Variants in ALG14 observed in about 807,000 individuals in gnomAD.
ALG14 encodes ALG14 UDP-N-acetylglucosaminyltransferase subunit, also known as UDP-N-acetylglucosamine transferase subunit ALG14.
In ALG14, 17 loss-of-function variants were observed where a neutral mutation model predicts 22.8. The ratio of observed to expected loss-of-function variants is 0.75; its 90% CI spans 0.51 to 1.12. The LOEUF is 1.12. Ranked by LOEUF, ALG14 falls within the 50% of genes most tolerant of loss-of-function variation. ALG14 has a pLI of 0.00. For missense variants in ALG14, 288 were observed against 271.8 expected, an observed-to-expected ratio of 1.06 and a Z score of -0.42; for synonymous variants, 89 against 103.7, an observed-to-expected ratio of 0.86 and a Z score of 0.86.
chr1:95,033,668 C>A (rs571253985), intron 2 of ALG14, among the ~76,000 whole-genome samples: 1 of 152,026 alleles, frequency 6.6e-6, no homozygotes, highest in South Asian at 2.1e-4. Flanking sequence ...TTGCCAGGGA[C>A]CGAAAGGAGA....
Position 95,072,802 on chromosome 1 carries a change from G to C in ALG14, c.97C>G (p.Pro33Ala), listed in dbSNP as rs1675614717. The C allele has an allele frequency of 1.2e-6, 2 of 1,614,140 alleles. No homozygotes were observed. Among genetic ancestry groups the C allele is most frequent in the Non-Finnish European group, 1.7e-6 (2 of 1,180,032 alleles). Residue 33 changes from proline (P) to alanine (A), a missense_variant, in exon 1 of 4, where the codon CCC becomes GCC. Pro to Ala is a conservative substitution (Grantham distance 27, BLOSUM62 -1). Transcript: ENST00000370205. ...ACCAAGATACTGAGAGACTCCCGGG[G>C]CGTAACGTCCATGGAACGAAGCACT... ...WVVLRSMDVTPRESLSILVVA... is the reference protein window; with the variant it reads ...WVVLRSMDVTARESLSILVVA...
intron 3 of ALG14, among the ~76,000 whole-genome samples, chr1:94,995,519 C>G (rs939735714): frequency 1.5e-4 from 23 of 152,176 alleles, no homozygotes; most frequent in African/African-American, 5.3e-4. Flanking sequence ...TTGAGACCAG[C>G]CTGGCCAACA....
chr1:95,030,709 C>G (rs545365934), intron 2 of ALG14, among the ~76,000 whole-genome samples: 1 of 152,300 alleles, frequency 6.6e-6, no homozygotes, highest in Non-Finnish European at 1.5e-5. Flanking sequence ...CATAAACATC[C>G]AAGCCTGGTA....
intron 2 of ALG14, among the ~76,000 whole-genome samples, chr1:95,033,412 T>C (rs1487332604): frequency 1.5e-5 from 2 of 131,454 alleles, no homozygotes; most frequent in African/African-American, 5.6e-5. Flanking sequence ...CATATATATA[T>C]ATATATATAC....
chr1:95,042,440 T>C (rs1288544171), intron 2 of ALG14, among the ~76,000 whole-genome samples: 1 of 152,212 alleles, frequency 6.6e-6, no homozygotes, highest in Non-Finnish European at 1.5e-5. Context: ...CTCTGTCACT[T>C]TGCTCTGTTC....
At chr1:94,997,020 A>C (rs576704009) in intron 3 of ALG14, among the ~76,000 whole-genome samples, 3 of 152,312 alleles carry the variant, frequency 2.0e-5, no homozygotes, top group African/African-American at 7.2e-5. Flanking sequence ...GAGCATCCAG[A>C]GAATATGGAC....
intron 3 of ALG14, 86 bp from the exon 4 acceptor site, chr1:94,983,392 AG>A: frequency 9.3e-7 from 1 of 1,079,870 alleles, no homozygotes; most frequent in Non-Finnish European, 1.4e-6. Context: ...CTGATTTCAG[AG>A]GGGATCTGCT....
At chr1:95,002,604 C>G (rs2100737468) in intron 3 of ALG14, among the ~76,000 whole-genome samples, 1 of 152,316 alleles carries the variant, frequency 6.6e-6, no homozygotes, top group East Asian at 1.9e-4. Context: ...TGAGAGCTGG[C>G]CTGTGTGCCA....
intron 3 of ALG14, among the ~76,000 whole-genome samples, chr1:95,024,716 A>G (rs1398630501): frequency 6.6e-6 from 1 of 152,220 alleles, no homozygotes; most frequent in Non-Finnish European, 1.5e-5. Context: ...AGTGCACAGT[A>G]TAAATCCTAT....
Position 95,052,266 on chromosome 1 carries a change from G to A in ALG14, c.288+12600C>T, listed in dbSNP as rs139247889. Among the ~76,000 whole-genome samples, 291 of 152,250 alleles carry A rather than the reference G, an allele frequency of 1.9e-3. 5 individuals carry two copies. The East Asian group carries it at 0.052, about 27-fold the overall frequency. On this transcript the variant is annotated intron_variant, in intron 2 of 3. Transcript: ENST00000370205. Reference sequence around the variant, plus strand: ...CAAAAAAACAAGTAGGATACAAGAAGCAAGGGTAAGAAAGAAAATGCCATA... The same window carrying A: ...CAAAAAAACAAGTAGGATACAAGAAACAAGGGTAAGAAAGAAAATGCCATA...
At chr1:95,049,749 T>C (rs952109666) in intron 2 of ALG14, among the ~76,000 whole-genome samples, 3 of 151,878 alleles carry the variant, frequency 2.0e-5, no homozygotes, top group Admixed American at 6.6e-5. Flanking sequence ...TGCACGTCTA[T>C]AGTCCCAGCT....
intron 3 of ALG14, among the ~76,000 whole-genome samples, chr1:95,019,771 G>C (rs1219268773): frequency 4.6e-5 from 7 of 151,892 alleles, no homozygotes; most frequent in Non-Finnish European, 8.8e-5. Flanking sequence ...ACCTGATGTC[G>C]GGAGTTTGAG....
chr1:95,021,872 T>C (rs1200798939), intron 3 of ALG14, among the ~76,000 whole-genome samples: 1 of 152,216 alleles, frequency 6.6e-6, no homozygotes, highest in Non-Finnish European at 1.5e-5. Context: ...TGAATTCCTT[T>C]TCATTCAACT....
chr1:95,035,216 CTCTT>C (rs1161846286), intron 2 of ALG14, among the ~76,000 whole-genome samples: 2 of 152,180 alleles, frequency 1.3e-5, no homozygotes, highest in Non-Finnish European at 2.9e-5. Flanking sequence ...TCTTCTCTGT[CTCTT>C]TCTCTCTTCT....
intron 2 of ALG14, among the ~76,000 whole-genome samples, chr1:95,060,974 A>T (rs1675126645): frequency 6.6e-6 from 1 of 152,174 alleles, no homozygotes; most frequent in African/African-American, 2.4e-5. Context: ...GTATCCTCAT[A>T]AAAAAGGCAT....
chr1:94,977,127 T>C lies in ALG14; in HGVS notation c.*5949A>G, dbSNP rs1436254897. ...GAGATAATGTATTGTTTTAAGCCAA[T>C]ATATGTGTGGCAATTTTTTACACAG... On this transcript the variant is annotated 3_prime_UTR_variant, in exon 4 of 4. Coordinates refer to ENST00000370205, the MANE Select transcript of ALG14 (RefSeq NM_144988.4). 2.0e-5 allele frequency: 3 copies of C among 152,198 alleles called. No individual in the cohort carries two copies. Among genetic ancestry groups the C allele is most frequent in the Admixed American group, 1.3e-4 (2 of 15,290 alleles). 9.4% of individuals were successfully genotyped at this position (152,198 alleles called of 1,614,324 possible). A position where few individuals can be genotyped will look rare whatever the true frequency, so the allele number is the denominator to read the frequency against.
rs894628453 is a variant in ALG14, at chr1:94,980,888, T to A, written c.*2188A>T. Reference sequence around the variant, plus strand: ...TCTTAAGTTAAGGCTCTGCAAAACATCTGGGACATATGTTTCTGGAAAAAA... The same window carrying A: ...TCTTAAGTTAAGGCTCTGCAAAACAACTGGGACATATGTTTCTGGAAAAAA... On this transcript the variant is annotated 3_prime_UTR_variant, in exon 4 of 4. Transcript: ENST00000370205. The A allele has an allele frequency of 2.0e-5, 3 of 152,222 alleles. No individual in the cohort carries two copies. The highest frequency in any genetic ancestry group is 7.2e-5 in the African/African-American group (3 of 41,458). 9.4% of individuals were successfully genotyped at this position (152,222 alleles called of 1,614,324 possible). A position where few individuals can be genotyped will look rare whatever the true frequency, so the allele number is the denominator to read the frequency against.
intron 2 of ALG14, among the ~76,000 whole-genome samples, chr1:95,036,056 A>G (rs1290804696): frequency 6.6e-6 from 1 of 152,122 alleles, no homozygotes; most frequent in Non-Finnish European, 1.5e-5. Flanking sequence ...ATTTTTTTTT[A>G]TATGTCCTTC....
At chr1:95,030,715 T>C (rs1425371130) in intron 2 of ALG14, among the ~76,000 whole-genome samples, 2 of 152,176 alleles carry the variant, frequency 1.3e-5, no homozygotes, top group Non-Finnish European at 2.9e-5. Flanking sequence ...CATCCAAGCC[T>C]GGTAAAGCCT....
Sources: allele counts gnomAD v4.1 joint callset (sites outside exome capture counted in the v4.1 genomes callset), GRCh38; gene constraint gnomAD v4.1.1; transcripts MANE v1.5; gene names NCBI Gene and HGNC (gene_info 2026-07-23, HGNC 2026-07-21).